The following TRIM24 variants were observed in gnomAD, a reference collection of about 807,000 sequenced individuals.
TRIM24 encodes transcription intermediary factor 1-alpha.
TRIM24 carries 29 observed loss-of-function variants against 123.9 expected under a neutral mutation model. The observed-to-expected ratio is 0.23, with a 90% CI of 0.17 to 0.32. The LOEUF (loss-of-function observed/expected upper bound fraction) is 0.32. Among genes scored for constraint, TRIM24 ranks in the 10% least tolerant of loss-of-function variants. TRIM24 has a pLI of 1.00. For synonymous variants in TRIM24, 456 were observed against 461.1 expected (o/e 0.99, Z 0.14); for missense variants, 932 against 1,295.3 (o/e 0.72, Z 4.31).
Position 138,565,003 on chromosome 7 carries a change from A to G in TRIM24, c.1531-2478A>G, listed in dbSNP as rs933885731. Among the ~76,000 whole-genome samples the G allele has an allele frequency of 3.3e-5, 5 of 151,696 alleles. No individual in the cohort carries two copies. The South Asian group carries it at 1.0e-3, about 32-fold the overall frequency. On this transcript the variant is annotated intron_variant, in intron 9 of 18. Transcript: ENST00000343526. ...ACTTAGCATTGGAGGCTCTGTTTTGACCCCCACAATTACTAAATTGTGGGG... is the reference window on the plus strand; with the variant it reads ...ACTTAGCATTGGAGGCTCTGTTTTGGCCCCCACAATTACTAAATTGTGGGG...
At chr7:138,581,970 A>G (rs1797903798) in intron 17 of TRIM24, among the ~76,000 whole-genome samples, 199 bp downstream of exon 17, 1 of 152,106 alleles carries the variant, frequency 6.6e-6, no homozygotes, top group African/African-American at 2.4e-5. Context: ...TTTCTCAGGT[A>G]TTCTTTCTTC....
intron 9 of TRIM24, among the ~76,000 whole-genome samples, chr7:138,558,306 C>T (rs1248592036): frequency 6.6e-6 from 1 of 152,184 alleles, no homozygotes; most frequent in South Asian, 2.1e-4. Flanking sequence ...CTGTCCTAGG[C>T]AAGTTAATTC....
intron 7 of TRIM24, among the ~76,000 whole-genome samples, chr7:138,547,712 GT>G (rs2116624578): frequency 6.6e-6 from 1 of 152,120 alleles, no homozygotes; most frequent in East Asian, 1.9e-4. Flanking sequence ...GCTTCCCTCT[GT>G]CACCCAGGCT....
chr7:138,581,655 T>C, intron 16 of TRIM24, 42 bp from the exon 17 acceptor site: 1 of 1,502,856 alleles, frequency 6.7e-7, no homozygotes, highest in South Asian at 1.2e-5. Context: ...GAATTCATTG[T>C]TTTATAATAT....
chr7:138,588,014 C>A lies in TRIM24; in HGVS notation c.*3063C>A, dbSNP rs972538376. ...AAAAAGGAAAATGTAGTTTTAGTTT[C>A]TTTTCTAAGCTAAAGAACTGGCTTT... On this transcript the variant is annotated 3_prime_UTR_variant, in exon 19 of 19. Coordinates refer to ENST00000343526, the MANE Select transcript of TRIM24 (RefSeq NM_015905.3). 2.0e-4 allele frequency: 31 copies of A among 152,112 alleles called. No homozygotes were observed. The highest frequency in any genetic ancestry group is 7.0e-4 in the African/African-American group (29 of 41,416). The allele number at this position is 152,112 out of a possible 1,614,324, so 9.4% of individuals were successfully genotyped here. A position where few individuals can be genotyped will look rare whatever the true frequency, so the allele number is the denominator to read the frequency against.
Position 138,460,267 on chromosome 7 carries a change from C to G in TRIM24, c.-282C>G, listed in dbSNP as rs990019371. On this transcript the variant is annotated 5_prime_UTR_variant, in exon 1 of 19. Coordinates refer to ENST00000343526, the MANE Select transcript of TRIM24 (RefSeq NM_015905.3). ...GCAAGGGCGGGCTGGGCGTATTCCACGAGCGCCTCGGCGGTTGGCGAAGCG... is the reference window on the plus strand; with the variant it reads ...GCAAGGGCGGGCTGGGCGTATTCCAGGAGCGCCTCGGCGGTTGGCGAAGCG... The G allele has an allele frequency of 2.8e-6, 1 of 353,676 alleles. No homozygotes were observed. Among genetic ancestry groups the G allele is most frequent in the Non-Finnish European group, 5.1e-6 (1 of 197,686 alleles). 21.9% of individuals were successfully genotyped at this position (353,676 alleles called of 1,614,324 possible).
chr7:138,504,452 T>C, intron 2 of TRIM24, 44 bp downstream of exon 2: 1 of 936,016 alleles, frequency 1.1e-6, no homozygotes, highest in South Asian at 2.5e-5. Context: ...CAGCTCTTTT[T>C]TTTTTTTTTT....
rs183910869 is a variant in TRIM24, at chr7:138,566,337, A to T, written c.1531-1144A>T. Among the ~76,000 whole-genome samples, 1,224 of 152,124 alleles carry T rather than the reference A, an allele frequency of 8.0e-3. 10 individuals carry two copies. The highest frequency in any genetic ancestry group is 0.014 in the Non-Finnish European group (937 of 67,978). On this transcript the variant is annotated intron_variant, in intron 9 of 18. Transcript: ENST00000343526. ...TCGAAACCAGCCTGACCAACATGGC[A>T]AAACCCCATCTCTACTAAAAATACA...
At chr7:138,508,690 TGTGCGCGCGC>T (rs1327669940) in intron 2 of TRIM24, among the ~76,000 whole-genome samples, 90 of 106,164 alleles carry the variant, frequency 8.5e-4, no homozygotes, top group African/African-American at 2.4e-3. Context: ...TGTGTGTGTG[TGTGCGCGCGC>T]GTGTGTGCGT....
At chr7:138,547,066 G>A (rs1797116390) in intron 7 of TRIM24, among the ~76,000 whole-genome samples, 1 of 152,196 alleles carries the variant, frequency 6.6e-6, no homozygotes, top group East Asian at 1.9e-4. Context: ...TAAAGAAAAT[G>A]TGGTACATAT....
At chr7:138,500,740 T>C (rs1796020181) in intron 1 of TRIM24, among the ~76,000 whole-genome samples, 1 of 151,756 alleles carries the variant, frequency 6.6e-6, no homozygotes, top group South Asian at 2.1e-4. Context: ...CCAGGCATGG[T>C]GGTGCAGTTT....
Position 138,586,709 on chromosome 7 carries a change from C to T in TRIM24, c.*1758C>T, listed in dbSNP as rs1179019402. The T allele has an allele frequency of 6.6e-6, 1 of 152,020 alleles. No homozygotes were observed. Among genetic ancestry groups the T allele is most frequent in the Non-Finnish European group, 1.5e-5 (1 of 67,960 alleles). The allele number at this position is 152,020 out of a possible 1,614,324, so 9.4% of individuals were successfully genotyped here. A position where few individuals can be genotyped will look rare whatever the true frequency, so the allele number is the denominator to read the frequency against. On this transcript the variant is annotated 3_prime_UTR_variant, in exon 19 of 19. Transcript: ENST00000343526. ...CATACACCTTTTGTCTTTTTTTGCTCCAGCATTTTATTTTTAGCACAGCAG... is the reference window on the plus strand; with the variant it reads ...CATACACCTTTTGTCTTTTTTTGCTTCAGCATTTTATTTTTAGCACAGCAG...
At chr7:138,565,189 C>T (rs532942310) in intron 9 of TRIM24, among the ~76,000 whole-genome samples, 14 of 152,236 alleles carry the variant, frequency 9.2e-5, no homozygotes, top group South Asian at 6.2e-4. Flanking sequence ...CACACTTCCC[C>T]GCTCCCAGTT....
chr7:138,496,159 T>C (rs1009505208), intron 1 of TRIM24, among the ~76,000 whole-genome samples: 1 of 152,210 alleles, frequency 6.6e-6, no homozygotes, highest in Non-Finnish European at 1.5e-5. Context: ...TTAATTGGGA[T>C]TGCATTGAAT....
intron 1 of TRIM24, among the ~76,000 whole-genome samples, chr7:138,489,272 G>A (rs1795725443): frequency 1.3e-5 from 2 of 152,116 alleles, no homozygotes; most frequent in Admixed American, 1.3e-4. Context: ...CCCGAATATA[G>A]CACACTGATG....
chr7:138,472,640 T>C (rs1283994212), intron 1 of TRIM24, among the ~76,000 whole-genome samples: 1 of 152,150 alleles, frequency 6.6e-6, no homozygotes, highest in Non-Finnish European at 1.5e-5. Flanking sequence ...GACCATGAAT[T>C]AACAACGATA....
At position 138,578,715 on chromosome 7, in the gene TRIM24, G is replaced by T. The variant is rs180902056; in HGVS notation, c.2257-489G>T. ...ATGGAGGTAAACAGCAGAAGAAAAA[G>T]CTAGGTTTGAAAATAGTTCTTCCAA... On this transcript the variant is annotated intron_variant, in intron 14 of 18. Transcript: ENST00000343526. Among the ~76,000 whole-genome samples the T allele has an allele frequency of 1.4e-3, 207 of 152,218 alleles. 1 individual carries two copies. The highest frequency in any genetic ancestry group is 3.4e-3 in the Middle Eastern group (1 of 294).
intron 13 of TRIM24, among the ~76,000 whole-genome samples, chr7:138,576,831 T>C (rs1480514020): frequency 2.0e-5 from 3 of 152,204 alleles, no homozygotes; most frequent in Non-Finnish European, 4.4e-5. Flanking sequence ...AAATATACAG[T>C]TATTGAAATT....
At chr7:138,581,625 T>C in intron 16 of TRIM24, 72 bp from the exon 17 acceptor site, 1 of 1,319,402 alleles carries the variant, frequency 7.6e-7, no homozygotes, top group African/African-American at 1.5e-5. Context: ...CCTCTGAGAT[T>C]GTTATTTAAA....
Sources: allele counts gnomAD v4.1 joint callset (sites outside exome capture counted in the v4.1 genomes callset), GRCh38; gene constraint gnomAD v4.1.1; transcripts MANE v1.5; gene names NCBI Gene and HGNC (gene_info 2026-07-23, HGNC 2026-07-21).